CRYBG1: variants seen among roughly 807,000 people sequenced by gnomAD.
CRYBG1 encodes beta/gamma crystallin domain-containing protein 1.
Under a neutral mutation model 189.2 loss-of-function variants are expected in CRYBG1, and 139 were observed. The ratio of observed to expected loss-of-function variants is 0.73; its 90% CI spans 0.64 to 0.85. The LOEUF (loss-of-function observed/expected upper bound fraction) is 0.85. Among genes scored for constraint, CRYBG1 ranks in the 40% least tolerant of loss-of-function variants. The pLI, the probability that CRYBG1 is intolerant of heterozygous loss-of-function variation, is 0.00. For missense variants in CRYBG1, 2,611 were observed against 2,675.8 expected, an observed-to-expected ratio of 0.98 and a Z score of 0.53; for synonymous variants, 1,023 against 1,017.1, an observed-to-expected ratio of 1.01 and a Z score of -0.11.
rs373880356 is a variant in CRYBG1 at position 106,520,661 on chromosome 6, G to T, written c.3453G>T (p.Val1151=). The change falls in exon 4 of 22, where the codon GTG becomes GTT. Residue 1151 remains valine, a synonymous_variant. Transcript: ENST00000633556. ...TTCACGAAGACCATTTAGAAAAGGT[G>T]TTTGATCCCAAAGTGTTTACCTTTG... ...PPIHEDHLEK[V]FDPKVFTFGL... 1.5e-5 allele frequency: 25 copies of T among 1,614,070 alleles called. No homozygotes were observed. Among genetic ancestry groups the T allele is most frequent in the Middle Eastern group, 1.6e-4 (1 of 6,084 alleles).
At chr6:106,375,484 A>AG (rs1269638759) in intron 1 of CRYBG1, among the ~76,000 whole-genome samples, 3 of 152,152 alleles carry the variant, frequency 2.0e-5, no homozygotes, top group Non-Finnish European at 4.4e-5. Flanking sequence ...TGGAGGTGGG[A>AG]GAAAAAGTAT....
chr6:106,485,547 G>A (rs532279109), intron 2 of CRYBG1, among the ~76,000 whole-genome samples: 4 of 152,254 alleles, frequency 2.6e-5, no homozygotes, highest in Admixed American at 6.5e-5. Flanking sequence ...CAGTAAGAGT[G>A]GTGAAAGTAG....
intron 1 of CRYBG1, among the ~76,000 whole-genome samples, chr6:106,429,285 G>T (rs1352227574): frequency 1.3e-5 from 2 of 152,152 alleles, no homozygotes; most frequent in Non-Finnish European, 2.9e-5. Context: ...GGAATGAGAT[G>T]GTTGTGCCTC....
chr6:106,478,185 C>T (rs774565583), intron 2 of CRYBG1, among the ~76,000 whole-genome samples: 3 of 152,150 alleles, frequency 2.0e-5, no homozygotes, highest in Admixed American at 6.5e-5. Flanking sequence ...GTTATATCCG[C>T]GCACCACATC....
rs1775057711 is a variant in CRYBG1 at position 106,571,506 on chromosome 6, C to T, written c.*2940C>T. The T allele has an allele frequency of 6.4e-6, 1 of 155,464 alleles. No individual in the cohort carries two copies. The highest frequency in any genetic ancestry group is 6.4e-5 in the Admixed American group (1 of 15,590). 9.6% of individuals were successfully genotyped at this position (155,464 alleles called of 1,614,324 possible). A position where few individuals can be genotyped will look rare whatever the true frequency, so the allele number is the denominator to read the frequency against. ...TTAAGCCCAGGAGTTTGAGACCAGC[C>T]TGGGCAACATGGCAAAACTGTCTCT... On this transcript the variant is annotated 3_prime_UTR_variant, in exon 22 of 22. Coordinates refer to ENST00000633556, the MANE Select transcript of CRYBG1 (RefSeq NM_001371242.2).
intron 2 of CRYBG1, among the ~76,000 whole-genome samples, chr6:106,477,674 G>GA (rs1164717583): frequency 2.6e-5 from 4 of 152,020 alleles, no homozygotes; most frequent in Admixed American, 2.6e-4. Flanking sequence ...AGCCAAAGAA[G>GA]AAAAAAAAGG....
intron 2 of CRYBG1, among the ~76,000 whole-genome samples, chr6:106,501,560 G>A (rs551120265): frequency 5.3e-5 from 8 of 152,126 alleles, no homozygotes; most frequent in Non-Finnish European, 8.8e-5. Flanking sequence ...GCAAAATATC[G>A]CACTGTTAAT....
chr6:106,455,220 G>A (rs564770879), intron 2 of CRYBG1, among the ~76,000 whole-genome samples: 1 of 151,778 alleles, frequency 6.6e-6, no homozygotes, highest in African/African-American at 2.4e-5. Context: ...TTTTTTTCAC[G>A]AGAGAAAAGC....
chr6:106,388,190 C>T (rs1010175829), intron 1 of CRYBG1, among the ~76,000 whole-genome samples: 3 of 152,314 alleles, frequency 2.0e-5, no homozygotes, highest in African/African-American at 4.8e-5. Flanking sequence ...GGGTAAATCA[C>T]GTGCACTTCT....
intron 1 of CRYBG1, among the ~76,000 whole-genome samples, chr6:106,367,629 T>C (rs9386530): frequency 0.66 from 96,835 of 145,874 alleles, 32,476 homozygotes; most frequent in African/African-American, 0.74. Flanking sequence ...TACTCCCTTT[T>C]TCATTAATAG....
intron 10 of CRYBG1, among the ~76,000 whole-genome samples, chr6:106,541,980 C>T (rs1464134070): frequency 6.6e-6 from 1 of 152,112 alleles, no homozygotes; most frequent in Non-Finnish European, 1.5e-5. Context: ...GACAAACTTT[C>T]CCTACTCCAA....
At chr6:106,427,323 C>T (rs1199077100) in intron 1 of CRYBG1, among the ~76,000 whole-genome samples, 1 of 152,162 alleles carries the variant, frequency 6.6e-6, no homozygotes, top group African/African-American at 2.4e-5. Flanking sequence ...GGTCTAAAAC[C>T]CAACTATTGA....
At position 106,414,208 on chromosome 6, in the gene CRYBG1, G is replaced by A. The variant is rs9486334; in HGVS notation, c.174-37486G>A. On this transcript the variant is annotated intron_variant, in intron 1 of 21. Transcript: ENST00000633556. Reference sequence around the variant, plus strand: ...GTGAAAAATTACCATTCCAAACAACGCTTCAAGTGGAAGTGAATCTTGACC... The same window carrying A: ...GTGAAAAATTACCATTCCAAACAACACTTCAAGTGGAAGTGAATCTTGACC... Among the ~76,000 whole-genome samples the A allele has an allele frequency of 3.7e-3, 567 of 152,282 alleles. 1 individual carries two copies. The highest frequency in any genetic ancestry group is 0.013 in the African/African-American group (544 of 41,564).
chr6:106,446,967 T>C (rs1047823367), intron 1 of CRYBG1, among the ~76,000 whole-genome samples: 6 of 152,206 alleles, frequency 3.9e-5, no homozygotes, highest in African/African-American at 1.4e-4. Flanking sequence ...ATTGAATGAA[T>C]TGGCAAATGT....
In CRYBG1 at chr6:106,511,730, G is replaced by GC. The variant is rs1018039182; in HGVS notation, c.620dup (p.Asp208Ter). On this transcript the variant is annotated frameshift_variant, in exon 3 of 22. Transcript: ENST00000633556. LOFTEE classifies it high-confidence loss of function. The stretch of plus-strand genomic sequence containing the variant: ...GCTCCCCGAGAGCGGTGGCCCCGCA[G>GC]CCCCCCCTGACGCCGAGCTGTCACC... 13 of 1,535,070 alleles carry GC rather than the reference G, an allele frequency of 8.5e-6. No individual in the cohort carries two copies. The highest frequency in any genetic ancestry group is 9.6e-6 in the Non-Finnish European group (11 of 1,146,536).
chr6:106,456,427 G>A (rs1771890640), intron 2 of CRYBG1, among the ~76,000 whole-genome samples: 1 of 151,770 alleles, frequency 6.6e-6, no homozygotes, highest in Non-Finnish European at 1.5e-5. Flanking sequence ...CTCCCAAAGT[G>A]CTGGGATTAC....
chr6:106,483,402 A>ATATATATGTATATATATATATATATAT (rs1361096436), intron 2 of CRYBG1, among the ~76,000 whole-genome samples: 6 of 88,420 alleles, frequency 6.8e-5, no homozygotes, highest in Admixed American at 3.8e-4. Context: ...ATATATATAT[A>ATATATATGTATATATATATATATATAT]AAACATTTTC....
At chr6:106,525,963 G>A (rs1487525981) in intron 6 of CRYBG1, among the ~76,000 whole-genome samples, 5 of 152,092 alleles carry the variant, frequency 3.3e-5, no homozygotes, top group Admixed American at 2.6e-4. Flanking sequence ...TTTTGGCTAA[G>A]TAAAGAAACT....
chr6:106,518,846 C>T (rs946555865), intron 3 of CRYBG1, among the ~76,000 whole-genome samples: 2 of 152,032 alleles, frequency 1.3e-5, no homozygotes, highest in African/African-American at 4.8e-5. Context: ...GTAGTCCCAG[C>T]TACCTGGGAG....
Sources: allele counts gnomAD v4.1 joint callset (sites outside exome capture counted in the v4.1 genomes callset), GRCh38; gene constraint gnomAD v4.1.1; transcripts MANE v1.5; gene names NCBI Gene and HGNC (gene_info 2026-07-23, HGNC 2026-07-21).